The following MCM4 variants were observed in gnomAD, a reference collection of about 807,000 sequenced individuals.
MCM4 encodes minichromosome maintenance complex component 4, also known as DNA replication licensing factor MCM4.
A neutral mutation model predicts 88.7 loss-of-function variants in MCM4; 60 were observed. The observed-to-expected ratio is 0.68, with a 90% CI of 0.55 to 0.84. MCM4 has a LOEUF of 0.84. Among genes scored for constraint, MCM4 ranks in the 40% least tolerant of loss-of-function variants. MCM4 has a pLI of 0.00. For synonymous variants in MCM4, 465 were observed against 410.5 expected, an observed-to-expected ratio of 1.13 and a Z score of -1.61; for missense variants, 1,149 against 1,105.5, an observed-to-expected ratio of 1.04 and a Z score of -0.56.
At chr8:47,964,476 G>A in intron 7 of MCM4, 98 bp from the exon 8 acceptor site, 13 of 883,150 alleles carry the variant, frequency 1.5e-5, no homozygotes, top group Non-Finnish European at 2.0e-5. Context: ...TTGGGGACAT[G>A]ACATGTTGTC....
chr8:47,965,097 C>T (rs890534550), intron 8 of MCM4, among the ~76,000 whole-genome samples: 5 of 152,012 alleles, frequency 3.3e-5, no homozygotes, highest in Non-Finnish European at 7.4e-5. Context: ...CCTGTAGTCC[C>T]GGCTACTCTC....
Position 47,962,828 on chromosome 8 carries a change from C to G in MCM4, c.566C>G (p.Thr189Ser). The G allele has an allele frequency of 1.2e-6, 2 of 1,609,052 alleles. No homozygotes were observed. Among genetic ancestry groups the G allele is most frequent in the African/African-American group, 2.7e-5 (2 of 74,718 alleles). ...GAAGAAAATGTTGGCATAGATATTA[C>G]TGAACCTCTATACATGCAACGACTT... ...KEEENVGIDI[T>S]EPLYMQRLGE... The change falls in exon 6 of 17, where the codon ACT (threonine) becomes AGT (serine). Residue 189 changes from threonine to serine, a missense_variant. Thr to Ser is a moderately conservative substitution (Grantham distance 58, BLOSUM62 1). Around this residue, in one of 3 missense-constraint regions of MCM4, gnomAD observed 906 missense variants for 843.0 expected, o/e 1.07. Coordinates refer to ENST00000649973, the MANE Select transcript of MCM4 (RefSeq NM_182746.3).
Position 47,962,290 on chromosome 8 carries a change from T to C in MCM4, c.400-15T>C, listed in dbSNP as rs367647168. Reference sequence around the variant, plus strand: ...TAACTCTGTTTTCATGATTCTGTCATGTTTTTCTGTGTAGGCAGCAGCAGA... The same window carrying C: ...TAACTCTGTTTTCATGATTCTGTCACGTTTTTCTGTGTAGGCAGCAGCAGA... On this transcript the variant is annotated splice_polypyrimidine_tract_variant and intron_variant, in intron 4 of 16. Coordinates refer to ENST00000649973, the MANE Select transcript of MCM4 (RefSeq NM_182746.3). 1.4e-5 allele frequency: 22 copies of C among 1,614,076 alleles called. No homozygotes were observed. Among genetic ancestry groups the C allele is most frequent in the Non-Finnish European group, 1.8e-5 (21 of 1,180,046 alleles).
In MCM4 at chr8:47,961,694, G is replaced by C. The variant is rs1431492436; in HGVS notation, c.235+14G>C. 1.3e-6 allele frequency: 2 copies of C among 1,595,256 alleles called. No individual in the cohort carries two copies. Among genetic ancestry groups the C allele is most frequent in the East Asian group, 4.5e-5 (2 of 44,630 alleles). Reference sequence around the variant, plus strand: ...TGCATTCTTCAGGTGCGTGTCTGAAGATCTTGGTTTTGCTGTGCTTGATAC... The same window carrying C: ...TGCATTCTTCAGGTGCGTGTCTGAACATCTTGGTTTTGCTGTGCTTGATAC... On this transcript the variant is annotated intron_variant, in intron 3 of 16. Transcript: ENST00000649973.
rs1458588946 is a variant in MCM4, at chr8:47,971,453, A to G, written c.1913A>G (p.His638Arg). ...KTTIENIQLP[H>R]TLLSRFDLIF... Reference sequence around the variant, plus strand: ...ACCATTGAAAACATCCAGCTGCCTCATACTTTATTATCAAGGTATTAAAAC... The same window carrying G: ...ACCATTGAAAACATCCAGCTGCCTCGTACTTTATTATCAAGGTATTAAAAC... Residue 638 changes from histidine to arginine, a missense_variant, in exon 13 of 17, where the codon CAT becomes CGT. Transcript: ENST00000649973. 1.9e-6 allele frequency: 3 copies of G among 1,613,980 alleles called. No homozygotes were observed. The highest frequency in any genetic ancestry group is 2.5e-6 in the Non-Finnish European group (3 of 1,179,962).
In MCM4 at chr8:47,972,930, G is replaced by A. The variant is rs145523525; in HGVS notation, c.2002G>A (p.Ala668Thr). 10 of 1,614,036 alleles carry A rather than the reference G, an allele frequency of 6.2e-6. No homozygotes were observed. In the African/African-American group the frequency reaches 8.0e-5, roughly 13 times the overall value. Residue 668 changes from alanine (A) to threonine (T), a missense_variant, in exon 14 of 17, where the codon GCA becomes ACA. Physicochemically the swap from Ala to Thr is moderately conservative, Grantham distance 58 (BLOSUM62 0). Coordinates refer to ENST00000649973, the MANE Select transcript of MCM4 (RefSeq NM_182746.3). ...CAGGCGTCTGGCTCACCACCTGGTC[G>A]CACTGTACTACCAGAGCGAGGAGCA... The part of the protein sequence containing the change: ...YDRRLAHHLV[A>T]LYYQSEEQAE...
intron 12 of MCM4, among the ~76,000 whole-genome samples, chr8:47,971,093 T>C (rs2090949709): frequency 6.6e-6 from 1 of 152,188 alleles, no homozygotes; most frequent in Non-Finnish European, 1.5e-5. Context: ...GTCCTAAAGC[T>C]CTTGCAAGGT....
chr8:47,967,301 A>T, intron 9 of MCM4, 64 bp from the exon 10 acceptor site: 8 of 1,598,540 alleles, frequency 5.0e-6, no homozygotes, highest in Non-Finnish European at 6.8e-6. Flanking sequence ...GTACAAAGAC[A>T]TGCAGATTTT....
intron 9 of MCM4, among the ~76,000 whole-genome samples, chr8:47,966,933 A>G (rs1589830244): frequency 6.6e-6 from 1 of 152,216 alleles, no homozygotes; most frequent in African/African-American, 2.4e-5. Context: ...CTGCGTGTGC[A>G]TGGTTTCTTT....
At chr8:47,965,379 G>A (rs759455807) in intron 8 of MCM4, among the ~76,000 whole-genome samples, 6 of 152,078 alleles carry the variant, frequency 3.9e-5, no homozygotes, top group East Asian at 1.9e-4. Flanking sequence ...CTGAGGTGAC[G>A]GGCTTACTTG....
intron 15 of MCM4, chr8:47,975,264 G>T (rs1220365165): frequency 3.7e-6 from 1 of 267,836 alleles, no homozygotes; most frequent in Non-Finnish European, 7.2e-6. Context: ...GTGCCATGTT[G>T]GTGTGCTGTA....
chr8:47,961,187 C>A lies in MCM4; in HGVS notation c.43C>A (p.Arg15Ser). 6.5e-7 allele frequency: 1 copy of A among 1,544,228 alleles called. No individual in the cohort carries two copies. Among genetic ancestry groups the A allele is most frequent in the Non-Finnish European group, 8.7e-7 (1 of 1,154,918 alleles). ...GACCCCGAGCCGCCGCGGCAGCCGG[C>A]GTGGAAGGGCCACCCCCGCCCAGAC... is the stretch of plus-strand genomic sequence containing the variant. ...ASTPSRRGSR[R>S]GRATPAQTPR... The change falls in exon 2 of 17, where the codon CGT becomes AGT. Residue 15 changes from arginine (R) to serine (S), a missense_variant. Around this residue, in one of 3 missense-constraint regions of MCM4, gnomAD observed 906 missense variants for 843.0 expected, o/e 1.07. Coordinates refer to ENST00000649973, the MANE Select transcript of MCM4 (RefSeq NM_182746.3).
rs769249365 is a variant in MCM4 at position 47,969,856 on chromosome 8, C to G, written c.1233C>G (p.Val411=). ...VNPRVSNVKS[V]YKTHIDVIHY... ...CAAGAGTGAGTAATGTGAAGTCTGTCTACAAAACCCACATTGATGTCATTC... is the reference window on the plus strand; with the variant it reads ...CAAGAGTGAGTAATGTGAAGTCTGTGTACAAAACCCACATTGATGTCATTC... The change falls in exon 11 of 17, where the codon GTC becomes GTG. Residue 411 remains valine (V), a synonymous_variant. Coordinates refer to ENST00000649973, the MANE Select transcript of MCM4 (RefSeq NM_182746.3). The G allele has an allele frequency of 1.9e-6, 3 of 1,614,196 alleles. No individual in the cohort carries two copies. The highest frequency in any genetic ancestry group is 8.5e-7 in the Non-Finnish European group (1 of 1,180,022).
At chr8:47,964,462 T>C (rs1176703754) in intron 7 of MCM4, 112 bp from the exon 8 acceptor site, 3 of 724,776 alleles carry the variant, frequency 4.1e-6, no homozygotes, top group African/African-American at 1.8e-5. Context: ...TGTAGGGTAA[T>C]ACTTTGGGGA....
In MCM4 at chr8:47,962,090, A is replaced by G. The variant is rs765483665; in HGVS notation, c.273A>G (p.Thr91=). The change falls in exon 4 of 17, where the codon ACA becomes ACG. Residue 91 remains threonine, a synonymous_variant. Coordinates refer to ENST00000649973, the MANE Select transcript of MCM4 (RefSeq NM_182746.3). ...ACTTTGATGTTAGTTCACCACTGAC[A>G]TACGGCACTCCCAGCTCTCGGGTAG... ...PLDFDVSSPL[T]YGTPSSRVEG... 2 of 1,614,202 alleles carry G rather than the reference A, an allele frequency of 1.2e-6. No individual in the cohort carries two copies. Among genetic ancestry groups the G allele is most frequent in the East Asian group, 2.2e-5 (1 of 44,894 alleles).
Position 47,964,561 on chromosome 8 carries a change from T to C in MCM4, c.694-13T>C. 3 of 1,577,398 alleles carry C rather than the reference T, an allele frequency of 1.9e-6. No individual in the cohort carries two copies. The highest frequency in any genetic ancestry group is 2.6e-6 in the Non-Finnish European group (3 of 1,165,862). On this transcript the variant is annotated splice_polypyrimidine_tract_variant and intron_variant, in intron 7 of 16. Coordinates refer to ENST00000649973, the MANE Select transcript of MCM4 (RefSeq NM_182746.3). ...ATATGAATACAAATACATCTTCATA[T>C]TTGTTTTTACAGGAAGTTATTCCAA...
intron 10 of MCM4, chr8:47,969,588 C>A: frequency 1.7e-6 from 1 of 579,534 alleles, no homozygotes; most frequent in Admixed American, 3.0e-5. Context: ...TGCTATTTCC[C>A]TGCTTGCTCA....
chr8:47,971,285 C>T (rs1473866429), intron 12 of MCM4, 56 bp from the exon 13 acceptor site: 1 of 1,606,108 alleles, frequency 6.2e-7, no homozygotes, highest in Non-Finnish European at 8.5e-7. Context: ...GAAGACGGTG[C>T]TTGTTAATTG....
chr8:47,963,154 T>C (rs2154505034), intron 7 of MCM4, 114 bp downstream of exon 7: 1 of 643,082 alleles, frequency 1.6e-6, no homozygotes. Flanking sequence ...TTTAAGAAAC[T>C]GAGTATCATC....
Sources: allele counts gnomAD v4.1 joint callset (sites outside exome capture counted in the v4.1 genomes callset), GRCh38; gene constraint gnomAD v4.1.1; regional missense constraint gnomAD v4.1.1; transcripts MANE v1.5; gene names NCBI Gene and HGNC (gene_info 2026-07-23, HGNC 2026-07-21).